CRIM1: variants seen among roughly 807,000 people sequenced by gnomAD.
CRIM1 encodes cysteine rich transmembrane BMP regulator 1.
Under a neutral mutation model 116.4 loss-of-function variants are expected in CRIM1, and 32 were observed. The observed-to-expected ratio is 0.27, with a 90% CI of 0.21 to 0.37. The LOEUF is 0.37. Among genes scored for constraint, CRIM1 ranks in the 10% least tolerant of loss-of-function variants. The pLI is 1.00. For missense variants in CRIM1, 1,331 were observed against 1,354.8 expected (o/e 0.98, Z 0.28); for synonymous variants, 590 against 509.2 (o/e 1.16, Z -2.13).
At chr2:36,402,305 A>G (rs1672468141) in intron 2 of CRIM1, among the ~76,000 whole-genome samples, 1 of 152,180 alleles carries the variant, frequency 6.6e-6, no homozygotes, top group Admixed American at 6.5e-5. Context: ...TGAAATCTCA[A>G]AGCCCAAAGG....
intron 4 of CRIM1, among the ~76,000 whole-genome samples, chr2:36,446,467 T>C (rs922708280): frequency 1.3e-5 from 2 of 152,248 alleles, no homozygotes; most frequent in East Asian, 1.9e-4. Context: ...TTTTCCCTTC[T>C]ACCTGTGGCC....
At chr2:36,497,203 C>T (rs1680662403) in intron 7 of CRIM1, among the ~76,000 whole-genome samples, 1 of 150,982 alleles carries the variant, frequency 6.6e-6, no homozygotes, top group African/African-American at 2.4e-5. Context: ...ATTTCTTTAC[C>T]CATAAGCTGT....
In CRIM1 at chr2:36,548,726, CAA is replaced by C; in HGVS notation, c.*28_*29del. On this transcript the variant is annotated 3_prime_UTR_variant, in exon 17 of 17. Transcript: ENST00000280527. ...AAGAAAGGCAACTAGGATGAGGTTT[CAA>C]AAGACGGAAGACGACTAAATCTGCT... The C allele has an allele frequency of 6.5e-7, 1 of 1,549,762 alleles. No individual in the cohort carries two copies. The highest frequency in any genetic ancestry group is 8.7e-7 in the Non-Finnish European group (1 of 1,152,304).
At chr2:36,367,124 G>C (rs1669653706) in intron 1 of CRIM1, among the ~76,000 whole-genome samples, 1 of 152,144 alleles carries the variant, frequency 6.6e-6, no homozygotes, top group Non-Finnish European at 1.5e-5. Context: ...TTTTGTCTGT[G>C]GAAGTCAAAG....
At position 36,550,929 on chromosome 2, in the gene CRIM1, T is replaced by A. The variant is rs1309496430; in HGVS notation, c.*2228T>A. ...ATTATTTTAAAGATATGATTTATCCTGAGTGCTGTATCTATTACTCTTTTA... is the reference window on the plus strand; with the variant it reads ...ATTATTTTAAAGATATGATTTATCCAGAGTGCTGTATCTATTACTCTTTTA... On this transcript the variant is annotated 3_prime_UTR_variant, in exon 17 of 17. Coordinates refer to ENST00000280527, the MANE Select transcript of CRIM1 (RefSeq NM_016441.3). 6.6e-6 allele frequency: 1 copy of A among 152,632 alleles called. No individual in the cohort carries two copies. Among genetic ancestry groups the A allele is most frequent in the African/African-American group, 2.4e-5 (1 of 41,452 alleles). The allele number at this position is 152,632 out of a possible 1,614,324, so 9.5% of individuals were successfully genotyped here.
chr2:36,519,925 A>G (rs1665267687), intron 12 of CRIM1, among the ~76,000 whole-genome samples: 1 of 60,966 alleles, frequency 1.6e-5, no homozygotes, highest in Non-Finnish European at 3.3e-5. Flanking sequence ...GAGGTAGAAA[A>G]TAGAAAAAAG....
In CRIM1 at chr2:36,549,946, T is replaced by A. The variant is rs993151813; in HGVS notation, c.*1245T>A. ...CAAAGGCAGATAAACAGGCATTCCA[T>A]AGCAGTGCTTTTGATCACTTACAAA... On this transcript the variant is annotated 3_prime_UTR_variant, in exon 17 of 17. Transcript: ENST00000280527. The A allele has an allele frequency of 6.6e-6, 1 of 152,518 alleles. No homozygotes were observed. Among genetic ancestry groups the A allele is most frequent in the Non-Finnish European group, 1.5e-5 (1 of 68,018 alleles). 9.4% of individuals were successfully genotyped at this position (152,518 alleles called of 1,614,324 possible). A position where few individuals can be genotyped will look rare whatever the true frequency, so the allele number is the denominator to read the frequency against.
intron 2 of CRIM1, among the ~76,000 whole-genome samples, chr2:36,405,260 A>G (rs1360235081): frequency 7.2e-5 from 11 of 152,196 alleles, no homozygotes; most frequent in Non-Finnish European, 7.3e-5. Flanking sequence ...ATTAGCATTC[A>G]TGCCGCCTTT....
intron 4 of CRIM1, among the ~76,000 whole-genome samples, chr2:36,455,950 A>G (rs1428537473): frequency 1.3e-5 from 2 of 152,126 alleles, no homozygotes; most frequent in Admixed American, 1.3e-4. Context: ...CACTGATGAC[A>G]AGGATGAGAG....
intron 5 of CRIM1, among the ~76,000 whole-genome samples, chr2:36,475,119 T>G (rs848550): frequency 0.6 from 91,809 of 152,012 alleles, 28,138 homozygotes; most frequent in South Asian, 0.75. Flanking sequence ...GATCAGCTTA[T>G]CAATTTCTAC....
chr2:36,417,581 A>G (rs191773222), intron 2 of CRIM1, among the ~76,000 whole-genome samples: 65 of 152,262 alleles, frequency 4.3e-4, no homozygotes, highest in Admixed American at 8.5e-4. Context: ...TCCTTGTAGG[A>G]TCTTCAAAGC....
chr2:36,391,277 C>T (rs548215168), intron 1 of CRIM1, among the ~76,000 whole-genome samples: 11 of 151,596 alleles, frequency 7.3e-5, no homozygotes, highest in Non-Finnish European at 1.3e-4. Context: ...TACAGGCGCC[C>T]GCCACCACGC....
chr2:36,530,599 G>C (rs1666048122), intron 13 of CRIM1, among the ~76,000 whole-genome samples: 1 of 152,108 alleles, frequency 6.6e-6, no homozygotes. Flanking sequence ...CATTGTTACA[G>C]GTATAAACTA....
At chr2:36,358,411 C>T (rs1422597723) in intron 1 of CRIM1, among the ~76,000 whole-genome samples, 1 of 152,214 alleles carries the variant, frequency 6.6e-6, no homozygotes, top group Non-Finnish European at 1.5e-5. Context: ...TGCTGTGTTC[C>T]AAGAAGGACT....
intron 2 of CRIM1, among the ~76,000 whole-genome samples, chr2:36,405,968 T>C (rs1238945422): frequency 6.6e-6 from 1 of 152,202 alleles, no homozygotes; most frequent in East Asian, 1.9e-4. Context: ...TTTTCATAGG[T>C]TTACCCATTT....
At chr2:36,437,963 C>G (rs1675454958) in intron 2 of CRIM1, among the ~76,000 whole-genome samples, 1 of 150,056 alleles carries the variant, frequency 6.7e-6, no homozygotes, top group Non-Finnish European at 1.5e-5. Flanking sequence ...GAAACCCCAT[C>G]TCTACTAAAA....
chr2:36,537,333 G>A lies in CRIM1; in HGVS notation c.2429-19G>A, dbSNP rs1454744073. 6.2e-7 allele frequency: 1 copy of A among 1,612,294 alleles called. No homozygotes were observed. The highest frequency in any genetic ancestry group is 8.5e-7 in the Non-Finnish European group (1 of 1,178,574). On this transcript the variant is annotated intron_variant, in intron 13 of 16. Transcript: ENST00000280527. ...GTTGTCACATCAGCGACTCCATCAT[G>A]TGCTGTTCTTTTCACTAGAAGACAC...
intron 1 of CRIM1, among the ~76,000 whole-genome samples, chr2:36,377,596 C>G (rs568472671): frequency 6.6e-6 from 1 of 152,148 alleles, no homozygotes; most frequent in East Asian, 1.9e-4. Context: ...ATAAGGAATA[C>G]TTAAGTTAAC....
At chr2:36,477,499 C>T (rs1256051291) in intron 6 of CRIM1, among the ~76,000 whole-genome samples, 1 of 152,208 alleles carries the variant, frequency 6.6e-6, no homozygotes, top group Non-Finnish European at 1.5e-5. Flanking sequence ...CAGAGAGGAA[C>T]TAACTCTGCC....
Sources: allele counts gnomAD v4.1 joint callset (sites outside exome capture counted in the v4.1 genomes callset), GRCh38; gene constraint gnomAD v4.1.1; transcripts MANE v1.5; gene names NCBI Gene and HGNC (gene_info 2026-07-23, HGNC 2026-07-21).